FAM135B: variants seen among roughly 807,000 people sequenced by gnomAD.
The protein encoded by FAM135B is protein FAM135B.
A neutral mutation model predicts 127.7 loss-of-function variants in FAM135B; 43 were observed. The observed-to-expected ratio is 0.34, with a 90% CI of 0.26 to 0.43. The LOEUF is 0.43. Among genes scored for constraint, FAM135B ranks in the 20% least tolerant of loss-of-function variants. The pLI, the probability that FAM135B is intolerant of heterozygous loss-of-function variation, is 1.00. For synonymous variants in FAM135B, 670 were observed against 665.1 expected (o/e 1.01, Z -0.11); for missense variants, 1,558 against 1,725.6 (o/e 0.90, Z 1.72).
intron 12 of FAM135B, among the ~76,000 whole-genome samples, chr8:138,161,400 G>A (rs115603089): frequency 0.015 from 2,206 of 151,222 alleles, 63 homozygotes; most frequent in African/African-American, 0.05. Flanking sequence ...CTAAGAATTC[G>A]TAACTGGACA....
chr8:138,468,577 C>T (rs13249380), intron 1 of FAM135B, among the ~76,000 whole-genome samples: 7 of 151,926 alleles, frequency 4.6e-5, no homozygotes, highest in African/African-American at 9.7e-5. Context: ...ATTAAATACC[C>T]GGCACCTCAT....
chr8:138,275,628 G>A (rs553340056), intron 3 of FAM135B, among the ~76,000 whole-genome samples: 17 of 152,152 alleles, frequency 1.1e-4, no homozygotes, highest in Middle Eastern at 3.4e-3. Context: ...CCAGGAATTC[G>A]AGGCTGCAGT....
chr8:138,497,624 T>C (rs1815448758), upstream of FAM135B, among the ~76,000 whole-genome samples: 1 of 152,082 alleles, frequency 6.6e-6, no homozygotes, highest in Non-Finnish European at 1.5e-5. Flanking sequence ...GAGCAACCCA[T>C]ACCTCCAATG....
intron 7 of FAM135B, among the ~76,000 whole-genome samples, chr8:138,200,649 T>A (rs1817044598): frequency 6.6e-6 from 1 of 152,186 alleles, no homozygotes; most frequent in Admixed American, 6.5e-5. Flanking sequence ...CCTAATAATT[T>A]TTTTCTTGTA....
chr8:138,150,788 T>C lies in FAM135B; in HGVS notation c.3281+406A>G, dbSNP rs570248132. On this transcript the variant is annotated intron_variant, in intron 13 of 19. Coordinates refer to ENST00000395297, the MANE Select transcript of FAM135B (RefSeq NM_015912.4). ...ATGCAATAGAATATTGTGTAATCAT[T>C]ACAATGATGATGCAAACATAGATTT... Among the ~76,000 whole-genome samples, 4 of 152,320 alleles carry C rather than the reference T, an allele frequency of 2.6e-5. No individual in the cohort carries two copies. In the East Asian group the frequency reaches 7.7e-4, roughly 29 times the overall value.
At chr8:138,249,027 C>T (rs558875676) in intron 6 of FAM135B, among the ~76,000 whole-genome samples, 5 of 152,190 alleles carry the variant, frequency 3.3e-5, no homozygotes, top group Admixed American at 3.3e-4. Context: ...CCAGAATCCA[C>T]TGCAGGAAGC....
intron 4 of FAM135B, among the ~76,000 whole-genome samples, 160 bp downstream of exon 4, chr8:138,265,543 C>T (rs1341304901): frequency 2.6e-5 from 4 of 152,112 alleles, no homozygotes; most frequent in Non-Finnish European, 2.9e-5. Context: ...AGTAAAACAA[C>T]GAATACATAA....
chr8:138,399,315 G>A (rs1415853168), intron 1 of FAM135B, among the ~76,000 whole-genome samples: 1 of 152,170 alleles, frequency 6.6e-6, no homozygotes, highest in Non-Finnish European at 1.5e-5. Flanking sequence ...TTACAAATGA[G>A]GTGATCAAGG....
chr8:138,302,353 A>G (rs980890157), intron 3 of FAM135B, among the ~76,000 whole-genome samples: 1 of 152,118 alleles, frequency 6.6e-6, no homozygotes, highest in Non-Finnish European at 1.5e-5. Flanking sequence ...TGCATGCTTC[A>G]GGGGCCCTCC....
intron 7 of FAM135B, among the ~76,000 whole-genome samples, chr8:138,207,699 A>C (rs1288200002): frequency 3.3e-5 from 5 of 152,152 alleles, no homozygotes; most frequent in Non-Finnish European, 5.9e-5. Context: ...AAGTCTTTTC[A>C]ACACGGAGGG....
chr8:138,492,193 A>C (rs1341744098), intron 1 of FAM135B, among the ~76,000 whole-genome samples: 1 of 152,092 alleles, frequency 6.6e-6, no homozygotes, highest in Non-Finnish European at 1.5e-5. Flanking sequence ...TTCTTCTCTC[A>C]CGGTGGGAGG....
At chr8:138,456,286 A>G (rs972978052) in intron 1 of FAM135B, among the ~76,000 whole-genome samples, 7 of 152,182 alleles carry the variant, frequency 4.6e-5, no homozygotes, top group Admixed American at 6.5e-5. Context: ...AAGTCACCAA[A>G]ATGAACTAAG....
chr8:138,482,548 G>C (rs1587552617), intron 1 of FAM135B, among the ~76,000 whole-genome samples: 1 of 151,986 alleles, frequency 6.6e-6, no homozygotes, highest in Non-Finnish European at 1.5e-5. Context: ...GGCCCTGCAA[G>C]TTTTGTAGCC....
At chr8:138,232,290 C>T (rs1477095688) in intron 7 of FAM135B, among the ~76,000 whole-genome samples, 1 of 152,224 alleles carries the variant, frequency 6.6e-6, no homozygotes, top group Non-Finnish European at 1.5e-5. Flanking sequence ...TCCAGTGCCT[C>T]ATTGTCACCA....
intron 1 of FAM135B, among the ~76,000 whole-genome samples, chr8:138,478,827 A>G (rs928821142): frequency 2.6e-4 from 39 of 152,302 alleles, no homozygotes; most frequent in African/African-American, 8.9e-4. Context: ...CAGATAAAAC[A>G]TCTCTGCCGG....
chr8:138,260,249 T>C (rs1822441235), intron 4 of FAM135B, among the ~76,000 whole-genome samples: 1 of 152,204 alleles, frequency 6.6e-6, no homozygotes, highest in African/African-American at 2.4e-5. Flanking sequence ...TGAATAAATA[T>C]GAGCCTCACT....
Position 138,324,806 on chromosome 8 carries a change from C to T in FAM135B, c.78-13886G>A, listed in dbSNP as rs552049136. On this transcript the variant is annotated intron_variant, in intron 2 of 19. Transcript: ENST00000395297. ...CTGATTTGTGAGTGTGTGCTCGTAA[C>T]GACTATACAATACACCCTATCCTGA... is the stretch of plus-strand genomic sequence containing the variant. 1.3e-4 allele frequency among the ~76,000 whole-genome samples: 20 copies of T among 152,276 alleles called. No individual in the cohort carries two copies. In the South Asian group the frequency reaches 3.9e-3, roughly 30 times the overall value.
At chr8:138,309,060 T>G (rs892463807) in intron 3 of FAM135B, 17 of 435,820 alleles carry the variant, frequency 3.9e-5, no homozygotes, top group African/African-American at 3.5e-4. Context: ...TCCTTTTTAT[T>G]TATAATTTCT....
upstream of FAM135B, among the ~76,000 whole-genome samples, chr8:138,497,336 G>A (rs930056562): frequency 1.3e-5 from 2 of 150,304 alleles, no homozygotes; most frequent in African/African-American, 2.4e-5. Context: ...CCCGGGGCGG[G>A]CCGCCCGGCG....
Sources: gnomAD v4.1 joint callset for allele counts (sites outside exome capture counted in the v4.1 genomes callset) on GRCh38, gnomAD v4.1.1 for gene constraint, MANE v1.5 for transcripts, NCBI Gene and HGNC (gene_info 2026-07-23, HGNC 2026-07-21) for gene names.